Variants in AGAP1 observed in about 807,000 individuals in gnomAD.
The protein encoded by AGAP1 is arf-GAP with GTPase, ANK repeat and PH domain-containing protein 1.
AGAP1 carries 29 observed loss-of-function variants against 105.3 expected under a neutral mutation model. The ratio of observed to expected loss-of-function variants is 0.28; its 90% CI spans 0.21 to 0.38. The LOEUF is 0.38. Among genes scored for constraint, AGAP1 ranks in the 10% least tolerant of loss-of-function variants. The pLI is 1.00. For synonymous variants in AGAP1, 509 were observed against 485.9 expected, an observed-to-expected ratio of 1.05 and a Z score of -0.63; for missense variants, 998 against 1,165.1, an observed-to-expected ratio of 0.86 and a Z score of 2.09.
chr2:236,049,005 G>A, intron 15 of AGAP1, 54 bp from the exon 16 acceptor site: 12 of 1,496,960 alleles, frequency 8.0e-6, no homozygotes, highest in Non-Finnish European at 1.0e-5. Context: ...AAGAACGGTT[G>A]GAATGATGCA....
chr2:235,919,947 C>T lies in AGAP1; in HGVS notation c.1325-10818C>T, dbSNP rs1407277532. ...CGATGGCGCTCTCCATAAACACTGT[C>T]GGAATCTGGAGCAGCACGTGTTCCT... is the stretch of plus-strand genomic sequence containing the variant. On this transcript the variant is annotated intron_variant, in intron 11 of 17. Transcript: ENST00000304032. This position sits in a 1 kb window ranked among gnomAD's most constrained non-coding sequence, Gnocchi z 4.1. 2.6e-5 allele frequency among the ~76,000 whole-genome samples: 4 copies of T among 152,166 alleles called. No individual in the cohort carries two copies. The highest frequency in any genetic ancestry group is 6.5e-5 in the Admixed American group (1 of 15,284).
intron 6 of AGAP1, among the ~76,000 whole-genome samples, chr2:235,767,463 T>G (rs1423549273): frequency 2.6e-5 from 4 of 152,156 alleles, no homozygotes. Context: ...AGCCGTTGCT[T>G]TTTCCGTTGA....
At chr2:236,017,469 C>CGTGA (rs10635416) in intron 13 of AGAP1, among the ~76,000 whole-genome samples, 99,287 of 151,626 alleles carry the variant, frequency 0.65, 33,903 homozygotes, top group African/African-American at 0.85. Context: ...AACCTCACGT[C>CGTGA]GTGTTACACT....
Position 235,737,407 on chromosome 2 carries a change from C to T in AGAP1, c.311-3556C>T, listed in dbSNP as rs906879384. Among the ~76,000 whole-genome samples, 1 of 152,176 alleles carries T rather than the reference C, an allele frequency of 6.6e-6. No individual in the cohort carries two copies. The highest frequency in any genetic ancestry group is 1.5e-5 in the Non-Finnish European group (1 of 68,042). On this transcript the variant is annotated intron_variant, in intron 3 of 17. Transcript: ENST00000304032. This position sits in a 1 kb window ranked among gnomAD's most constrained non-coding sequence, Gnocchi z 4.5. ...GACTTTAGGATTCGAAGAGACCTTG[C>T]TGATGAGAGAAGGAATCACTGCTCC...
At chr2:235,648,207 C>T (rs1947456903) in intron 1 of AGAP1, among the ~76,000 whole-genome samples, 1 of 152,182 alleles carries the variant, frequency 6.6e-6, no homozygotes, top group Non-Finnish European at 1.5e-5. Flanking sequence ...TGGTTATCCC[C>T]AGCTACCTGC....
chr2:235,752,727 A>G lies in AGAP1; in HGVS notation c.673+2239A>G, dbSNP rs1321461875. Among the ~76,000 whole-genome samples the G allele has an allele frequency of 6.6e-6, 1 of 152,236 alleles. No homozygotes were observed. The highest frequency in any genetic ancestry group is 6.5e-5 in the Admixed American group (1 of 15,276). ...TTTGTATTTATCACGGTTAACATAC[A>G]TGAGTTTTCCATAAATTGATGAGTG... On this transcript the variant is annotated intron_variant, in intron 6 of 17. Transcript: ENST00000304032. This position sits in a 1 kb window ranked among gnomAD's most constrained non-coding sequence, Gnocchi z 4.3.
rs1405265651 is a variant in AGAP1, at chr2:235,517,949, A to AAAG, written c.163+23102_163+23103insGAA. Among the ~76,000 whole-genome samples, 407 of 142,272 alleles carry AAAG rather than the reference A, an allele frequency of 2.9e-3. 3 individuals carry two copies. Among genetic ancestry groups the AAAG allele is most frequent in the East Asian group, 0.01 (49 of 4,894 alleles). 93.3% of individuals were successfully genotyped at this position (142,272 alleles called of 152,430 possible). A position where few individuals can be genotyped will look rare whatever the true frequency, so the allele number is the denominator to read the frequency against. ...CTCCGTTTCAAAAAAAAAAAAAAAG[A>AAAG]AAAAAAAAAGGTAGAACTCATAGTT... On this transcript the variant is annotated intron_variant, in intron 1 of 17. Coordinates refer to ENST00000304032, the MANE Select transcript of AGAP1 (RefSeq NM_001037131.3). This position sits in a 1 kb window ranked among gnomAD's most constrained non-coding sequence, Gnocchi z 4.1.
At chr2:235,544,641 G>A (rs187404450) in intron 1 of AGAP1, among the ~76,000 whole-genome samples, 8 of 152,320 alleles carry the variant, frequency 5.3e-5, no homozygotes, top group Admixed American at 2.0e-4. Flanking sequence ...AGCTTGGGCC[G>A]GGCAGAGGTG....
intron 16 of AGAP1, among the ~76,000 whole-genome samples, chr2:236,103,396 C>T (rs977561850): frequency 3.3e-5 from 5 of 152,246 alleles, no homozygotes; most frequent in Admixed American, 2.6e-4. Flanking sequence ...TCATTTTGTT[C>T]ACAGCCTGTG....
At chr2:236,067,715 A>T (rs916547678) in intron 16 of AGAP1, among the ~76,000 whole-genome samples, 9 of 152,202 alleles carry the variant, frequency 5.9e-5, no homozygotes, top group Admixed American at 6.5e-5. Flanking sequence ...TGTTCTGGGG[A>T]AGAAACCTCA....
rs530697270 is a variant in AGAP1 at position 235,967,939 on chromosome 2, A to G, written c.1484-523A>G. 1.3e-5 allele frequency among the ~76,000 whole-genome samples: 2 copies of G among 152,348 alleles called. No individual in the cohort carries two copies. The highest frequency in any genetic ancestry group is 2.4e-5 in the African/African-American group (1 of 41,590). On this transcript the variant is annotated intron_variant, in intron 12 of 17. Transcript: ENST00000304032. This position sits in a 1 kb window ranked among gnomAD's most constrained non-coding sequence, Gnocchi z 4.7. ...TTGGTGAGAGAGAGAAAAAAATGGC[A>G]TAGAATTTTTCACTGATAATAAAAC...
rs1028376108 is a variant in AGAP1, at chr2:235,620,932, G to C, written c.164-88247G>C. Among the ~76,000 whole-genome samples, 4 of 152,182 alleles carry C rather than the reference G, an allele frequency of 2.6e-5. No homozygotes were observed. Among genetic ancestry groups the C allele is most frequent in the Non-Finnish European group, 5.9e-5 (4 of 68,028 alleles). On this transcript the variant is annotated intron_variant, in intron 1 of 17. Transcript: ENST00000304032. This position sits in a 1 kb window ranked among gnomAD's most constrained non-coding sequence, Gnocchi z 4.5. ...CCATCACCTCTGATGGAGGGGGCTG[G>C]GGTCTGTTGTGAGTTCAGGAGCCAG...
At chr2:235,937,357 G>C (rs1042634252) in intron 12 of AGAP1, among the ~76,000 whole-genome samples, 3 of 151,994 alleles carry the variant, frequency 2.0e-5, no homozygotes, top group Non-Finnish European at 2.9e-5. Context: ...CTGGACACAG[G>C]GGGTGAAAGG....
rs2057504388 is a variant in AGAP1, at chr2:236,040,201, T to G, written c.1801-550T>G. On this transcript the variant is annotated intron_variant, in intron 14 of 17. Transcript: ENST00000304032. The surrounding 1 kb of genome is among the most constrained non-coding windows in gnomAD (Gnocchi z 5.6). ...CAGCACTCCCAGCTATACTCGTGTT[T>G]CTCCCTGCCCCCACCCTGGCGAGTG... Among the ~76,000 whole-genome samples, 1 of 152,164 alleles carries G rather than the reference T, an allele frequency of 6.6e-6. No individual in the cohort carries two copies. Among genetic ancestry groups the G allele is most frequent in the East Asian group, 1.9e-4 (1 of 5,192 alleles).
intron 1 of AGAP1, among the ~76,000 whole-genome samples, chr2:235,530,560 G>A (rs1474219419): frequency 6.6e-6 from 1 of 152,098 alleles, no homozygotes; most frequent in Non-Finnish European, 1.5e-5. Flanking sequence ...TCTAGAGGCT[G>A]CCCACACTCC....
At chr2:235,597,828 T>C (rs1359200908) in intron 1 of AGAP1, among the ~76,000 whole-genome samples, 3 of 71,268 alleles carry the variant, frequency 4.2e-5, no homozygotes, top group Non-Finnish European at 8.6e-5. Flanking sequence ...GTGTTTCCTT[T>C]GTGTGGAGCG....
At chr2:235,528,626 G>A (rs1406725322) in intron 1 of AGAP1, among the ~76,000 whole-genome samples, 2 of 152,134 alleles carry the variant, frequency 1.3e-5, no homozygotes, top group African/African-American at 2.4e-5. Flanking sequence ...GTAGCTGTAG[G>A]AGACCATACC....
chr2:235,784,681 T>A (rs890923407), intron 6 of AGAP1, among the ~76,000 whole-genome samples: 2 of 150,326 alleles, frequency 1.3e-5, no homozygotes, highest in African/African-American at 4.9e-5. Flanking sequence ...GCAAAAAAAA[T>A]TTACCTGGTT....
intron 6 of AGAP1, among the ~76,000 whole-genome samples, chr2:235,760,915 C>A (rs1346473886): frequency 6.6e-6 from 1 of 152,204 alleles, no homozygotes; most frequent in African/African-American, 2.4e-5. Context: ...GATTCTCTCT[C>A]AGTCTATCGC....
Sources: gnomAD v4.1 joint callset for allele counts (sites outside exome capture counted in the v4.1 genomes callset) on GRCh38, gnomAD v4.1.1 for gene constraint, Gnocchi (gnomAD v3.1) non-coding constraint, MANE v1.5 for transcripts, NCBI Gene and HGNC (gene_info 2026-07-23, HGNC 2026-07-21) for gene names.